Variants in AGBL2 observed in about 807,000 individuals in gnomAD.
AGBL2 encodes the protein AGBL carboxypeptidase 2, also known as cytosolic carboxypeptidase 2.
AGBL2 carries 87 observed loss-of-function variants against 103.0 expected under a neutral mutation model. The observed-to-expected ratio is 0.84, with a 90% CI of 0.71 to 1.01. The LOEUF (loss-of-function observed/expected upper bound fraction) is 1.01. Among genes scored for constraint, AGBL2 ranks in the 50% least tolerant of loss-of-function variants. AGBL2 has a pLI of 0.00. For missense variants in AGBL2, 904 were observed against 1,023.5 expected (o/e 0.88, Z 1.59); for synonymous variants, 335 against 356.7 (o/e 0.94, Z 0.69).
At chr11:47,667,464 A>G in intron 16 of AGBL2, 107 bp downstream of exon 16, 4 of 1,356,322 alleles carry the variant, frequency 2.9e-6, no homozygotes, top group Admixed American at 2.1e-5. Context: ...CTCTGCCCCA[A>G]TCTCCATCCC....
At chr11:47,671,893 C>T (rs918052680) in intron 14 of AGBL2, among the ~76,000 whole-genome samples, 9 of 152,182 alleles carry the variant, frequency 5.9e-5, no homozygotes, top group African/African-American at 2.2e-4. Flanking sequence ...AGAGCAAACT[C>T]AAACTGGGCT....
chr11:47,684,612 T>A (rs890474940), intron 11 of AGBL2, among the ~76,000 whole-genome samples: 1 of 151,328 alleles, frequency 6.6e-6, no homozygotes, highest in African/African-American at 2.4e-5. Flanking sequence ...AATAAATAAA[T>A]AAAAATCCAA....
intron 11 of AGBL2, among the ~76,000 whole-genome samples, chr11:47,682,669 A>G (rs990178280): frequency 6.6e-6 from 1 of 152,146 alleles, no homozygotes; most frequent in African/African-American, 2.4e-5. Context: ...CTTGGAGTTC[A>G]ATATCCTCCC....
intron 13 of AGBL2, among the ~76,000 whole-genome samples, chr11:47,678,996 T>C (rs890979455): frequency 7.8e-6 from 1 of 127,634 alleles, no homozygotes; most frequent in East Asian, 2.3e-4. Context: ...GAGGTGGAGA[T>C]TGCAGTGAGC....
chr11:47,686,142 T>G, intron 10 of AGBL2, 93 bp from the exon 11 acceptor site: 5 of 1,288,202 alleles, frequency 3.9e-6, no homozygotes, highest in African/African-American at 1.5e-5. Flanking sequence ...ATACAGCTGT[T>G]AATACTTTCC....
Position 47,690,527 on chromosome 11 carries a change from G to A in AGBL2, c.1180C>T (p.His394Tyr). 1 of 1,614,184 alleles carries A rather than the reference G, an allele frequency of 6.2e-7. No homozygotes were observed. The highest frequency in any genetic ancestry group is 8.5e-7 in the Non-Finnish European group (1 of 1,180,036). The change falls in exon 10 of 19, where the codon CAC becomes TAC. Residue 394 changes from histidine to tyrosine, a missense_variant. By Grantham distance (83) the His-to-Tyr change is moderately conservative. Coordinates refer to ENST00000525123, the MANE Select transcript of AGBL2 (RefSeq NM_024783.4). The part of the protein sequence containing the change: ...PYDQDTCFFA[H>Y]FYPYTYTDLQ... ...TCAGTGTATGTATATGGGTAGAAGT[G>A]TGCAAAGAAGCAAGTGTCCTGGTCA...
chr11:47,695,584 G>C (rs2097466124), intron 8 of AGBL2, among the ~76,000 whole-genome samples: 1 of 151,142 alleles, frequency 6.6e-6, no homozygotes, highest in African/African-American at 2.4e-5. Context: ...AGACCAGCCT[G>C]GGCAGCGGTG....
At chr11:47,683,662 C>T (rs2097411342) in intron 11 of AGBL2, among the ~76,000 whole-genome samples, 1 of 151,468 alleles carries the variant, frequency 6.6e-6, no homozygotes, top group Admixed American at 6.6e-5. Context: ...ATCCCAGCTA[C>T]CCAGGAGGCT....
rs35161992 is a variant in AGBL2, at chr11:47,698,168, A to ATTTT, written c.694+1274_694+1277dup. Among the ~76,000 whole-genome samples, 348 of 79,782 alleles carry ATTTT rather than the reference A, an allele frequency of 4.4e-3. 9 individuals carry two copies. The highest frequency in any genetic ancestry group is 7.0e-3 in the African/African-American group (130 of 18,570). 52.3% of individuals were successfully genotyped at this position (79,782 alleles called of 152,430 possible). The stretch of plus-strand genomic sequence containing the variant: ...TGAGCCACCAAGCCCAGTCTACATA[A>ATTTT]TTTTTTTTTTTTTTTTTTTTTTGAG... On this transcript the variant is annotated intron_variant, in intron 8 of 18. Coordinates refer to ENST00000525123, the MANE Select transcript of AGBL2 (RefSeq NM_024783.4).
chr11:47,692,093 T>G lies in AGBL2; in HGVS notation c.848+10A>C. On this transcript the variant is annotated intron_variant, in intron 9 of 18. Transcript: ENST00000525123. The stretch of plus-strand genomic sequence containing the variant: ...TCCAATTATCATCCCTTTGAGAAAT[T>G]GTTACTCACACTCTGACAGCTTTTT... The G allele has an allele frequency of 1.2e-6, 2 of 1,604,276 alleles. No individual in the cohort carries two copies. The highest frequency in any genetic ancestry group is 1.7e-6 in the Non-Finnish European group (2 of 1,173,022).
In AGBL2 at chr11:47,690,109, G is replaced by A. The variant is rs1415973698; in HGVS notation, c.1598C>T (p.Pro533Leu). Residue 533 changes from proline to leucine, a missense_variant, in exon 10 of 19, where the codon CCT becomes CTT. Transcript: ENST00000525123. Reference protein sequence around the residue: ...HYKTILKESFPCIWYTRNMIK... With the variant: ...HYKTILKESFLCIWYTRNMIK... ...CATGTTCCTGGTGTACCAAATACAA[G>A]GGAAAGACTCCTTCAGAATGGTTTT... The A allele has an allele frequency of 1.2e-6, 2 of 1,610,476 alleles. No individual in the cohort carries two copies. Among genetic ancestry groups the A allele is most frequent in the African/African-American group, 2.7e-5 (2 of 74,818 alleles).
chr11:47,707,167 C>G (rs987359231), intron 4 of AGBL2, among the ~76,000 whole-genome samples: 1 of 152,100 alleles, frequency 6.6e-6, no homozygotes, highest in Non-Finnish European at 1.5e-5. Flanking sequence ...CCTTTCTACT[C>G]CCTGCCAGGA....
intron 4 of AGBL2, among the ~76,000 whole-genome samples, chr11:47,707,710 G>A (rs2097525519): frequency 6.6e-6 from 1 of 152,118 alleles, no homozygotes; most frequent in South Asian, 2.1e-4. Flanking sequence ...AGCAGTATAG[G>A]AAAGTGTGTT....
At position 47,707,745 on chromosome 11, in the gene AGBL2, G is replaced by A. The variant is rs558859696; in HGVS notation, c.233-1828C>T. ...TCCTCCATACCCTAACCTACACTACGTATAAGTTTCTTTAAAATTTTGCCC... is the reference window on the plus strand; with the variant it reads ...TCCTCCATACCCTAACCTACACTACATATAAGTTTCTTTAAAATTTTGCCC... On this transcript the variant is annotated intron_variant, in intron 4 of 18. Transcript: ENST00000525123. Among the ~76,000 whole-genome samples the A allele has an allele frequency of 3.9e-5, 6 of 152,162 alleles. No individual in the cohort carries two copies. In the East Asian group the frequency reaches 7.7e-4, roughly 20 times the overall value.
chr11:47,705,783 G>A, intron 5 of AGBL2, 81 bp downstream of exon 5: 1 of 1,239,230 alleles, frequency 8.1e-7, no homozygotes, highest in Non-Finnish European at 1.2e-6. Context: ...GTAATTCTTA[G>A]GTCTGGTGGG....
At chr11:47,712,689 A>G (rs187274249) in intron 3 of AGBL2, among the ~76,000 whole-genome samples, 371 of 152,268 alleles carry the variant, frequency 2.4e-3, no homozygotes, top group Middle Eastern at 0.014. Context: ...GGATCACCTT[A>G]GGTCAGGAGT....
rs552005674 is a variant in AGBL2 at position 47,708,763 on chromosome 11, G to A, written c.232+1614C>T. ...CAGGAGGCGGAGGTTGTAGTGAGCC[G>A]AGATGGAGCCACTGCACTCTAGCCT... On this transcript the variant is annotated intron_variant, in intron 4 of 18. Transcript: ENST00000525123. Among the ~76,000 whole-genome samples the A allele has an allele frequency of 6.6e-5, 10 of 151,068 alleles. No homozygotes were observed. In the East Asian group the frequency reaches 2.0e-3, roughly 30 times the overall value.
At position 47,692,103 on chromosome 11, in the gene AGBL2, ACT is replaced by A. The variant is rs747260203; in HGVS notation, c.846_847del (p.Arg282SerfsTer5). On this transcript the variant is annotated frameshift_variant and splice_region_variant, in exon 9 of 19. Transcript: ENST00000525123. LOFTEE classifies it high-confidence loss of function. The stretch of plus-strand genomic sequence containing the variant: ...ATCCCTTTGAGAAATTGTTACTCAC[ACT>A]CTGACAGCTTTTTGCAGATTCCCAC... 1.9e-6 allele frequency: 3 copies of A among 1,608,910 alleles called. No individual in the cohort carries two copies. Among genetic ancestry groups the A allele is most frequent in the Admixed American group, 3.3e-5 (2 of 59,812 alleles).
chr11:47,682,513 C>T (rs186898412), intron 11 of AGBL2, among the ~76,000 whole-genome samples: 1 of 152,232 alleles, frequency 6.6e-6, no homozygotes, highest in Non-Finnish European at 1.5e-5. Context: ...GCATTCAAGG[C>T]ACTAGCCAAC....
Sources: allele counts gnomAD v4.1 joint callset (sites outside exome capture counted in the v4.1 genomes callset), GRCh38; gene constraint gnomAD v4.1.1; transcripts MANE v1.5; gene names NCBI Gene and HGNC (gene_info 2026-07-23, HGNC 2026-07-21).